The following MROH1 variants were observed in gnomAD, a reference collection of about 807,000 sequenced individuals.
MROH1 encodes the protein maestro heat-like repeat-containing protein family member 1.
MROH1 carries 117 observed loss-of-function variants against 116.5 expected under a neutral mutation model. That is an observed-to-expected ratio of 1.00 (90% CI 0.86 to 1.17). The LOEUF is 1.17. Ranked by LOEUF, MROH1 falls within the 50% of genes most tolerant of loss-of-function variation. MROH1 has a pLI of 0.00. For synonymous variants in MROH1, 921 were observed against 583.9 expected (o/e 1.58, Z -8.32); for missense variants, 1,873 against 1,338.5 (o/e 1.40, Z -6.23).
In MROH1 at chr8:144,260,061, G is replaced by C; in HGVS notation, c.4191+4G>C. On this transcript the variant is annotated splice_donor_region_variant and intron_variant, in intron 38 of 43. Transcript: ENST00000326134. The stretch of plus-strand genomic sequence containing the variant: ...GGCCTCCGGCTGCCCTGACAAGGTG[G>C]GGTGGCCACCAGCCCCTCTGGGTCC... 1 of 727,182 alleles carries C rather than the reference G, an allele frequency of 1.4e-6. No individual in the cohort carries two copies. 45.0% of individuals were successfully genotyped at this position (727,182 alleles called of 1,614,324 possible). A position where few individuals can be genotyped will look rare whatever the true frequency, so the allele number is the denominator to read the frequency against.
At chr8:144,259,769 T>C (rs1844644737) in intron 37 of MROH1, 142 bp from the exon 38 acceptor site, 2 of 686,716 alleles carry the variant, frequency 2.9e-6, no homozygotes, top group Admixed American at 2.0e-5. Context: ...GGGTCGCCAC[T>C]GATCGGAGAC....
chr8:144,177,992 T>C (rs571260000), intron 4 of MROH1, among the ~76,000 whole-genome samples: 1 of 150,394 alleles, frequency 6.6e-6, no homozygotes, highest in South Asian at 2.1e-4. Context: ...TTTGAGACAG[T>C]CTTGCTCTGT....
At chr8:144,230,357 C>A (rs760442894) in intron 14 of MROH1, among the ~76,000 whole-genome samples, 4 of 152,182 alleles carry the variant, frequency 2.6e-5, no homozygotes, top group Non-Finnish European at 5.9e-5. Context: ...TCTTATCATT[C>A]GTGTGTTCAC....
intron 4 of MROH1, 130 bp downstream of exon 4, chr8:144,168,570 C>T: frequency 9.2e-7 from 1 of 1,083,732 alleles, no homozygotes; most frequent in East Asian, 2.5e-5. Context: ...ACATGTCTAA[C>T]CCCCTCCACA....
At chr8:144,207,333 G>A (rs1282468647) in intron 12 of MROH1, among the ~76,000 whole-genome samples, 3 of 151,774 alleles carry the variant, frequency 2.0e-5, no homozygotes, top group Admixed American at 1.3e-4. Flanking sequence ...GACTACAGGC[G>A]CTCACCACCA....
Position 144,180,571 on chromosome 8 carries a change from G to C in MROH1, c.562+48G>C. ...TCTGTCTCAAGTGCCCCTTTGTGGG[G>C]GGCTGTTCCCGGGCATGCCTGTTTT... On this transcript the variant is annotated intron_variant, in intron 7 of 43. Transcript: ENST00000326134. This position sits in a 1 kb window ranked among gnomAD's most constrained non-coding sequence, Gnocchi z 7.4. 6.4e-7 allele frequency: 1 copy of C among 1,570,468 alleles called. No homozygotes were observed.
chr8:144,199,225 C>G, intron 11 of MROH1, 25 bp downstream of exon 11: 1 of 1,606,196 alleles, frequency 6.2e-7, no homozygotes, highest in Non-Finnish European at 8.5e-7. Context: ...CAGCTTTGCC[C>G]ATGGGCATCT....
chr8:144,177,999 C>G (rs1007857165), intron 4 of MROH1, among the ~76,000 whole-genome samples: 2 of 148,398 alleles, frequency 1.3e-5, no homozygotes, highest in African/African-American at 5.0e-5. Context: ...CAGTCTTGCT[C>G]TGTCGCCCAG....
intron 1 of MROH1, among the ~76,000 whole-genome samples, chr8:144,159,957 G>A (rs1587748479): frequency 6.6e-6 from 1 of 152,064 alleles, no homozygotes; most frequent in Admixed American, 6.6e-5. Flanking sequence ...TTTTAGTAGA[G>A]ACAGGGTTTC....
intron 2 of MROH1, among the ~76,000 whole-genome samples, chr8:144,162,257 GTAT>G (rs200479910): frequency 0.013 from 1,967 of 149,716 alleles, 41 homozygotes; most frequent in African/African-American, 0.046. Flanking sequence ...GCTAATTTCT[GTAT>G]TTTTTTAGTA....
At chr8:144,209,422 T>C (rs187414036) in intron 12 of MROH1, among the ~76,000 whole-genome samples, 21 of 151,010 alleles carry the variant, frequency 1.4e-4, no homozygotes, top group African/African-American at 4.9e-4. Flanking sequence ...CTACAAAAAA[T>C]ACAAAAAATT....
At position 144,180,209 on chromosome 8, in the gene MROH1, G is replaced by A. The variant is rs750876859; in HGVS notation, c.332G>A (p.Ser111Asn). 26 of 1,613,748 alleles carry A rather than the reference G, an allele frequency of 1.6e-5. No individual in the cohort carries two copies. The highest frequency in any genetic ancestry group is 3.3e-5 in the Admixed American group (2 of 60,004). Residue 111 changes from serine to asparagine, a missense_variant, in exon 6 of 44, where the codon AGT becomes AAT. Transcript: ENST00000326134. This position sits in a 1 kb window ranked among gnomAD's most constrained non-coding sequence, Gnocchi z 7.4. ...GTCTGGGACTGGCAGCAGGCGGCGA[G>A]TGGCGTCCTGGTGGCCGTGGGAAGA... ...DLVWDWQQAA[S>N]GVLVAVGRQF...
intron 4 of MROH1, among the ~76,000 whole-genome samples, chr8:144,175,335 C>G (rs1823577805): frequency 6.7e-6 from 1 of 148,662 alleles, no homozygotes; most frequent in African/African-American, 2.6e-5. Context: ...CCCTGCTACA[C>G]CTGAGCTGCC....
intron 3 of MROH1, among the ~76,000 whole-genome samples, chr8:144,166,680 G>A (rs1274545298): frequency 6.6e-6 from 1 of 151,992 alleles, no homozygotes; most frequent in Non-Finnish European, 1.5e-5. Context: ...GTGGGGTGGT[G>A]AGAAGCGTCT....
intron 14 of MROH1, among the ~76,000 whole-genome samples, chr8:144,224,597 G>A (rs768150013): frequency 1.3e-5 from 2 of 152,238 alleles, no homozygotes; most frequent in Non-Finnish European, 2.9e-5. Context: ...GCACCTTGCT[G>A]TTTCCGTGGA....
chr8:144,180,588 G>T lies in MROH1; in HGVS notation c.562+65G>T. 1 of 1,504,374 alleles carries T rather than the reference G, an allele frequency of 6.6e-7. No individual in the cohort carries two copies. Among genetic ancestry groups the T allele is most frequent in the South Asian group, 1.2e-5 (1 of 86,936 alleles). The allele number at this position is 1,504,374 out of a possible 1,614,324, so 93.2% of individuals were successfully genotyped here. A position where few individuals can be genotyped will look rare whatever the true frequency, so the allele number is the denominator to read the frequency against. ...TTTGTGGGGGGCTGTTCCCGGGCAT[G>T]CCTGTTTTAGGGGGGACAGGTGGGC... On this transcript the variant is annotated intron_variant, in intron 7 of 43. Transcript: ENST00000326134. The surrounding 1 kb of genome is among the most constrained non-coding windows in gnomAD (Gnocchi z 7.4).
chr8:144,243,988 C>T (rs1841440854), intron 26 of MROH1, 46 bp downstream of exon 26: 9 of 766,950 alleles, frequency 1.2e-5, no homozygotes, highest in East Asian at 9.9e-5. Context: ...TGCGTGTGTG[C>T]GTGCATGTGT....
chr8:144,226,258 G>GT (rs1466679148), intron 14 of MROH1, among the ~76,000 whole-genome samples: 1 of 151,924 alleles, frequency 6.6e-6, no homozygotes, highest in East Asian at 1.9e-4. Flanking sequence ...TTTGAGGCTC[G>GT]TTTTTTTGCA....
intron 12 of MROH1, among the ~76,000 whole-genome samples, chr8:144,209,530 G>C (rs1389489243): frequency 1.4e-5 from 2 of 147,988 alleles, no homozygotes; most frequent in African/African-American, 5.0e-5. Context: ...AGTGAGCTGA[G>C]ATGGTGCCAC....
Sources: allele counts gnomAD v4.1 joint callset (sites outside exome capture counted in the v4.1 genomes callset), GRCh38; gene constraint gnomAD v4.1.1; non-coding constraint Gnocchi (gnomAD v3.1); transcripts MANE v1.5; gene names NCBI Gene and HGNC (gene_info 2026-07-23, HGNC 2026-07-21).